The following SNX18 variants were observed in gnomAD, a reference collection of about 807,000 sequenced individuals.
SNX18 encodes sorting nexin-18.
Under a neutral mutation model 48.7 loss-of-function variants are expected in SNX18, and 35 were observed. The ratio of observed to expected loss-of-function variants is 0.72; its 90% CI spans 0.55 to 0.95. The LOEUF (loss-of-function observed/expected upper bound fraction) is 0.95, where lower values mean the gene tolerates loss of function less well. Among genes scored for constraint, SNX18 ranks in the 40% least tolerant of loss-of-function variants. The probability of loss-of-function intolerance (pLI) is 0.00; values close to 1 mark genes in which losing one functional copy is unlikely to be tolerated. For missense variants in SNX18, 824 were observed against 871.0 expected (o/e 0.95, Z 0.68); for synonymous variants, 492 against 384.7 (o/e 1.28, Z -3.26).
the SNX18 span, among the ~76,000 whole-genome samples, chr5:54,557,159 G>A: frequency 4.6e-5 from 7 of 152,250 alleles, no homozygotes; most frequent in East Asian, 1.9e-4. Context: ...CTAATACACC[G>A]ATTAACTTAA....
the SNX18 span, among the ~76,000 whole-genome samples, chr5:54,593,493 C>A: frequency 6.6e-6 from 1 of 152,166 alleles, no homozygotes; most frequent in Admixed American, 6.5e-5. Flanking sequence ...ATAGATCCAA[C>A]TCATTACCTG....
the SNX18 span, among the ~76,000 whole-genome samples, chr5:54,590,414 T>A: frequency 6.6e-6 from 1 of 152,174 alleles, no homozygotes; most frequent in Non-Finnish European, 1.5e-5. Context: ...TGCCATTCTT[T>A]GTTAAAGCCT....
chr5:54,548,205 A>G (rs1762604370), downstream of SNX18, among the ~76,000 whole-genome samples: 1 of 152,172 alleles, frequency 6.6e-6, no homozygotes. Flanking sequence ...TTTCAGCTTC[A>G]TTGAGTGACT....
chr5:54,599,274 G>A, the SNX18 span, among the ~76,000 whole-genome samples: 1 of 152,034 alleles, frequency 6.6e-6, no homozygotes, highest in East Asian at 1.9e-4. Context: ...CAGTTAACAA[G>A]GGAAATGAAG....
At chr5:54,596,863 T>G in the SNX18 span, among the ~76,000 whole-genome samples, 1 of 152,176 alleles carries the variant, frequency 6.6e-6, no homozygotes, top group Non-Finnish European at 1.5e-5. Context: ...CAGTGTGTAC[T>G]TGGGTATTGG....
chr5:54,588,861 A>G, the SNX18 span, among the ~76,000 whole-genome samples: 8 of 152,206 alleles, frequency 5.3e-5, no homozygotes, highest in Non-Finnish European at 8.8e-5. Flanking sequence ...GTAATATGAC[A>G]AATGTCAAGG....
At position 54,518,614 on chromosome 5, in the gene SNX18, G is replaced by C; in HGVS notation, c.662G>C (p.Ser221Thr). ...PPQHHPSGPK[S>T]SATVSRNLNR... ...CAGCACCACCCGTCGGGGCCCAAGA[G>C]CTCGGCCACCGTGAGCCGCAACCTC... The change falls in exon 1 of 2, where the codon AGC (serine) becomes ACC (threonine). Residue 221 changes from serine to threonine, a missense_variant. By Grantham distance (58) the Ser-to-Thr change is moderately conservative. Around this residue, in one of 3 missense-constraint regions of SNX18, gnomAD observed 377 missense variants for 350.6 expected, o/e 1.08. Coordinates refer to ENST00000381410, the MANE Select transcript of SNX18 (RefSeq NM_001102575.2). 1.3e-6 allele frequency: 2 copies of C among 1,567,886 alleles called. No homozygotes were observed. The highest frequency in any genetic ancestry group is 1.7e-6 in the Non-Finnish European group (2 of 1,158,058).
chr5:54,568,215 G>C, the SNX18 span, among the ~76,000 whole-genome samples: 1 of 152,190 alleles, frequency 6.6e-6, no homozygotes, highest in African/African-American at 2.4e-5. Flanking sequence ...ATTTGTGTTT[G>C]TGCTCTTGGC....
the SNX18 span, among the ~76,000 whole-genome samples, chr5:54,571,557 G>T: frequency 8.5e-5 from 13 of 152,206 alleles, no homozygotes; most frequent in Non-Finnish European, 1.8e-4. Flanking sequence ...ACGAATAGGG[G>T]CTCATTGAGG....
Position 54,518,489 on chromosome 5 carries a change from C to G in SNX18, c.537C>G (p.Leu179=). 1 of 1,570,522 alleles carries G rather than the reference C, an allele frequency of 6.4e-7. No homozygotes were observed. The highest frequency in any genetic ancestry group is 1.1e-5 in the South Asian group (1 of 87,190). Residue 179 remains leucine (L), a synonymous_variant, in exon 1 of 2, where the codon CTC becomes CTG. Transcript: ENST00000381410. ...TGGGCAGCGGAGCATACCCGGACCTCGACGGCTCGTCTTCGGCGGGTGTGG... is the reference window on the plus strand; with the variant it reads ...TGGGCAGCGGAGCATACCCGGACCTGGACGGCTCGTCTTCGGCGGGTGTGG... The part of the protein sequence containing the change: ...GALGSGAYPD[L]DGSSSAGVGA...
chr5:54,518,096 C>T lies in SNX18; in HGVS notation c.144C>T (p.Arg48=). 1 of 1,521,342 alleles carries T rather than the reference C, an allele frequency of 6.6e-7. No homozygotes were observed. The highest frequency in any genetic ancestry group is 1.7e-4 in the Middle Eastern group (1 of 5,792). 94.2% of individuals were successfully genotyped at this position (1,521,342 alleles called of 1,614,324 possible). Reference sequence around the variant, plus strand: ...AGGGGGTCAACAGCCGCGGCGACCGCGGCCTCTTCCCGGCCTCCTATGTGC... The same window carrying T: ...AGGGGGTCAACAGCCGCGGCGACCGTGGCCTCTTCCCGGCCTCCTATGTGC... The part of the protein sequence containing the change: ...WLEGVNSRGD[R]GLFPASYVQV... The change falls in exon 1 of 2, where the codon CGC becomes CGT. Residue 48 remains arginine (R), a synonymous_variant. Transcript: ENST00000381410.
the SNX18 span, among the ~76,000 whole-genome samples, chr5:54,611,590 G>A: frequency 2.6e-5 from 4 of 152,196 alleles, no homozygotes; most frequent in Non-Finnish European, 4.4e-5. Context: ...ATGCCAGCTA[G>A]GAAATCGTGT....
chr5:54,605,528 A>C, the SNX18 span, among the ~76,000 whole-genome samples: 3 of 152,162 alleles, frequency 2.0e-5, no homozygotes, highest in African/African-American at 7.2e-5. Context: ...ATTTTAACTA[A>C]TTTTTTAGTT....
the SNX18 span, among the ~76,000 whole-genome samples, chr5:54,577,885 C>T: frequency 6.6e-6 from 1 of 152,182 alleles, no homozygotes; most frequent in East Asian, 1.9e-4. Flanking sequence ...GCCCAAGAAT[C>T]GGGAGGGTCC....
At chr5:54,519,950 C>T in intron 1 of SNX18, 1 of 865,510 alleles carries the variant, frequency 1.2e-6, no homozygotes, top group East Asian at 2.7e-5. Flanking sequence ...TGCACTGTCA[C>T]TTAGTGGTGA....
In SNX18 at chr5:54,519,220, A is replaced by T; in HGVS notation, c.1268A>T (p.Glu423Val). The change falls in exon 1 of 2, where the codon GAG (glutamate) becomes GTG (valine). Residue 423 changes from glutamate to valine, a missense_variant. Physicochemically the swap from Glu to Val is moderately radical, Grantham distance 121. Coordinates refer to ENST00000381410, the MANE Select transcript of SNX18 (RefSeq NM_001102575.2). ...TPPAAALDLQ[E>V]VESKIDGFKC... ...CCCGCCGCTGCCCTTGACCTGCAGG[A>T]GGTGGAGAGCAAGATCGACGGCTTC... 1 of 1,614,088 alleles carries T rather than the reference A, an allele frequency of 6.2e-7. No individual in the cohort carries two copies. Among genetic ancestry groups the T allele is most frequent in the Non-Finnish European group, 8.5e-7 (1 of 1,180,016 alleles).
At chr5:54,633,074 G>T in the SNX18 span, among the ~76,000 whole-genome samples, 1 of 151,854 alleles carries the variant, frequency 6.6e-6, no homozygotes, top group Admixed American at 6.6e-5. Flanking sequence ...CCCGGCCCAG[G>T]GTAGTATCTC....
the SNX18 span, among the ~76,000 whole-genome samples, chr5:54,576,401 G>A: frequency 3.3e-5 from 5 of 152,198 alleles, no homozygotes; most frequent in African/African-American, 7.2e-5. Context: ...TGGATGCAGT[G>A]GTTTGGATCC....
rs185955968 is a variant in SNX18, at chr5:54,537,761, C to G, written c.1622-5418C>G. 3.3e-5 allele frequency among the ~76,000 whole-genome samples: 5 copies of G among 152,092 alleles called. 1 individual carries two copies. The South Asian group carries it at 1.0e-3, about 32-fold the overall frequency. ...GCTATTGCCTGTTTTCATATTGATT[C>G]CATCATGAAAAATGTGTAGTCCTTG... is the stretch of plus-strand genomic sequence containing the variant. On this transcript the variant is annotated intron_variant, in intron 1 of 1. Transcript: ENST00000381410.
Sources: gnomAD v4.1 joint callset for allele counts (sites outside exome capture counted in the v4.1 genomes callset) on GRCh38, gnomAD v4.1.1 for gene constraint, gnomAD v4.1.1 regional missense constraint, MANE v1.5 for transcripts, NCBI Gene and HGNC (gene_info 2026-07-23, HGNC 2026-07-21) for gene names.